The following TF variants were observed in gnomAD, a reference collection of about 807,000 sequenced individuals.
TF encodes the protein serotransferrin.
A neutral mutation model predicts 82.4 loss-of-function variants in TF; 55 were observed. The ratio of observed to expected loss-of-function variants is 0.67; its 90% CI spans 0.54 to 0.84. The LOEUF (loss-of-function observed/expected upper bound fraction) is 0.84. TF is among the 40% of genes least tolerant of loss of function. The pLI, the probability that TF is intolerant of heterozygous loss-of-function variation, is 0.00. For synonymous variants in TF, 332 were observed against 332.6 expected (o/e 1.00, Z 0.02); for missense variants, 737 against 868.4 (o/e 0.85, Z 1.90).
the TF span, among the ~76,000 whole-genome samples, chr3:133,710,608 T>G: frequency 6.6e-6 from 1 of 152,128 alleles, no homozygotes; most frequent in African/African-American, 2.4e-5. Context: ...ACTGCGGGCC[T>G]CCTGGGGGCT....
the TF span, chr3:133,699,454 C>T: frequency 2.9e-5 from 36 of 1,233,954 alleles, no homozygotes; most frequent in Non-Finnish European, 3.9e-5. Context: ...GAGAACCTGG[C>T]AAACAAGGCT....
chr3:133,723,650 T>TTAC, the TF span, among the ~76,000 whole-genome samples: 237 of 146,168 alleles, frequency 1.6e-3, no homozygotes, highest in African/African-American at 4.3e-3. Context: ...ATTATTATTA[T>TTAC]TATTATTATT....
the TF span, among the ~76,000 whole-genome samples, chr3:133,697,603 A>T: frequency 6.6e-6 from 1 of 152,216 alleles, no homozygotes; most frequent in African/African-American, 2.4e-5. Context: ...TCATGAGACT[A>T]TGACAATGAG....
chr3:133,776,965 C>A, intron 15 of TF, 84 bp from the exon 16 acceptor site: 1 of 1,296,456 alleles, frequency 7.7e-7, no homozygotes, highest in Non-Finnish European at 1.1e-6. Context: ...AGGGCTGGTT[C>A]AGAGCTTTCA....
chr3:133,703,649 A>G, the TF span, among the ~76,000 whole-genome samples: 2 of 152,252 alleles, frequency 1.3e-5, no homozygotes, highest in Non-Finnish European at 2.9e-5. Flanking sequence ...TCAAAAACAA[A>G]GAGCATGTAT....
intron 9 of TF, among the ~76,000 whole-genome samples, chr3:133,763,739 G>A (rs138006821): frequency 5.3e-4 from 80 of 152,328 alleles, no homozygotes; most frequent in African/African-American, 1.8e-3. Context: ...CACCAAACAC[G>A]GAAATAGCAC....
chr3:133,756,247 T>C (rs968932189), intron 5 of TF, 35 bp from the exon 6 acceptor site: 1 of 1,610,428 alleles, frequency 6.2e-7, no homozygotes, highest in Middle Eastern at 1.7e-4. Flanking sequence ...GGGCCTGCCC[T>C]GCAGGAGCCC....
At chr3:133,663,600 C>G in the TF span, among the ~76,000 whole-genome samples, 8 of 152,176 alleles carry the variant, frequency 5.3e-5, 1 homozygote, top group East Asian at 1.9e-4. Context: ...TCACACTATT[C>G]CCGTTTACTC....
At chr3:133,689,481 A>C in the TF span, among the ~76,000 whole-genome samples, 8 of 152,202 alleles carry the variant, frequency 5.3e-5, no homozygotes, top group South Asian at 4.1e-4. Context: ...TTAACTCATA[A>C]ATTTAGTAAA....
At chr3:133,679,625 G>A in the TF span, among the ~76,000 whole-genome samples, 1 of 93,384 alleles carries the variant, frequency 1.1e-5, no homozygotes, top group Non-Finnish European at 2.0e-5. Context: ...ATTCATCCAT[G>A]TTCTTGTGTG....
the TF span, among the ~76,000 whole-genome samples, chr3:133,665,467 CAA>C: frequency 4.8e-4 from 59 of 123,892 alleles, 1 homozygote; most frequent in African/African-American, 7.0e-4. Context: ...GACCCTATCT[CAA>C]AAAAAAAAAA....
the TF span, among the ~76,000 whole-genome samples, chr3:133,708,209 G>T: frequency 6.6e-6 from 1 of 152,062 alleles, no homozygotes; most frequent in Non-Finnish European, 1.5e-5. Flanking sequence ...ATATAACTTA[G>T]ATTCAGCCAA....
the TF span, among the ~76,000 whole-genome samples, chr3:133,736,128 A>G: frequency 3.3e-5 from 5 of 152,232 alleles, no homozygotes; most frequent in Non-Finnish European, 7.3e-5. Context: ...CCTGCAAGCC[A>G]GAAGAGAGGG....
At position 133,791,725 on chromosome 3, in the gene TF, A is replaced by G. The variant is rs919193173; in HGVS notation, c.*13105A>G. The stretch of plus-strand genomic sequence containing the variant: ...GGTCAGTCATGTCTTTGGGAGCTTG[A>G]CCTTGTAACCATGTGGCCATGCTTT... On this transcript the variant is annotated 3_prime_UTR_variant, in exon 17 of 17. Coordinates refer to ENST00000402696, the MANE Select transcript of TF (RefSeq NM_001063.4). 1.3e-5 allele frequency: 2 copies of G among 152,088 alleles called. No individual in the cohort carries two copies. Among genetic ancestry groups the G allele is most frequent in the Non-Finnish European group, 2.9e-5 (2 of 68,026 alleles). The allele number at this position is 152,088 out of a possible 1,614,324, so 9.4% of individuals were successfully genotyped here.
At chr3:133,773,511 GTGTGTA>G (rs1215457971) in intron 14 of TF, 2 of 139,976 alleles carry the variant, frequency 1.4e-5, no homozygotes, top group Admixed American at 1.5e-4. Flanking sequence ...GTGTGTGTGT[GTGTGTA>G]TGTGCATATT....
chr3:133,730,471 C>A, the TF span, among the ~76,000 whole-genome samples: 1 of 152,126 alleles, frequency 6.6e-6, no homozygotes, highest in African/African-American at 2.4e-5. Context: ...GTGGTTCTAC[C>A]ACCAATTTTC....
At chr3:133,683,183 T>A in the TF span, among the ~76,000 whole-genome samples, 1 of 152,164 alleles carries the variant, frequency 6.6e-6, no homozygotes, top group African/African-American at 2.4e-5. Context: ...AGGCCTGCCT[T>A]ACAAGAGCTC....
At chr3:133,667,202 TTA>T in the TF span, among the ~76,000 whole-genome samples, 1 of 151,856 alleles carries the variant, frequency 6.6e-6, no homozygotes, top group Non-Finnish European at 1.5e-5. Flanking sequence ...TTGTTTTTTT[TTA>T]AAATTAACTG....
At chr3:133,683,848 A>G in the TF span, among the ~76,000 whole-genome samples, 6 of 152,314 alleles carry the variant, frequency 3.9e-5, no homozygotes, top group South Asian at 1.0e-3. Flanking sequence ...TGCACCAAGC[A>G]GACCTAATAG....
Sources: allele counts gnomAD v4.1 joint callset (sites outside exome capture counted in the v4.1 genomes callset), GRCh38; gene constraint gnomAD v4.1.1; transcripts MANE v1.5; gene names NCBI Gene and HGNC (gene_info 2026-07-23, HGNC 2026-07-21).